Variants in THSD7B observed in about 807,000 individuals in gnomAD.
THSD7B encodes the protein thrombospondin type-1 domain-containing protein 7B.
THSD7B carries 138 observed loss-of-function variants against 213.6 expected under a neutral mutation model. The ratio of observed to expected loss-of-function variants is 0.65; its 90% CI spans 0.56 to 0.74. The LOEUF (loss-of-function observed/expected upper bound fraction) is 0.74, where lower values mean the gene tolerates loss of function less well. Among genes scored for constraint, THSD7B ranks in the 30% least tolerant of loss-of-function variants. The pLI, the probability that THSD7B is intolerant of heterozygous loss-of-function variation, is 0.00. For synonymous variants in THSD7B, 742 were observed against 687.0 expected (o/e 1.08, Z -1.25); for missense variants, 1,931 against 1,991.5 (o/e 0.97, Z 0.58).
chr2:136,781,787 A>G lies in THSD7B; in HGVS notation c.-36+16100A>G, dbSNP rs1470279818. Among the ~76,000 whole-genome samples, 2 of 152,012 alleles carry G rather than the reference A, an allele frequency of 1.3e-5. 1 individual carries two copies. The highest frequency in any genetic ancestry group is 6.8e-3 in the Middle Eastern group (2 of 294). ...GGCGTTCCTCTGATTCCTTCTGTCTATGCCCTGCCTCCTGTCTCCGTGGCC... is the reference window on the plus strand; with the variant it reads ...GGCGTTCCTCTGATTCCTTCTGTCTGTGCCCTGCCTCCTGTCTCCGTGGCC... On this transcript the variant is annotated intron_variant, in intron 1 of 27. Coordinates refer to ENST00000409968, the MANE Select transcript of THSD7B (RefSeq NM_001316349.2).
At chr2:137,170,697 A>T (rs769695662) in intron 6 of THSD7B, 44 bp from the exon 7 acceptor site, 6 of 1,583,590 alleles carry the variant, frequency 3.8e-6, no homozygotes, top group Non-Finnish European at 5.2e-6. Context: ...CCTTTCCTGG[A>T]AAAGAGTGGA....
chr2:137,536,511 A>G (rs1403913513), intron 15 of THSD7B, among the ~76,000 whole-genome samples: 2 of 151,806 alleles, frequency 1.3e-5, no homozygotes, highest in Non-Finnish European at 2.9e-5. Context: ...AGAAATAGCC[A>G]GAAGCAGTTT....
intron 7 of THSD7B, among the ~76,000 whole-genome samples, chr2:137,218,981 T>TG (rs894423999): frequency 8.6e-5 from 8 of 92,822 alleles, no homozygotes; most frequent in Non-Finnish European, 1.8e-4. Context: ...ACTGAGTTTG[T>TG]GAAAAAAAAA....
At chr2:137,234,492 C>T (rs1681720463) in intron 9 of THSD7B, among the ~76,000 whole-genome samples, 1 of 152,028 alleles carries the variant, frequency 6.6e-6, no homozygotes, top group African/African-American at 2.4e-5. Context: ...TGTGTTAGAG[C>T]ATTTGATGAG....
chr2:137,189,817 A>G (rs1346428861), intron 7 of THSD7B, among the ~76,000 whole-genome samples: 1 of 152,068 alleles, frequency 6.6e-6, no homozygotes. Flanking sequence ...TTCTTACTGC[A>G]TGGCTTCACA....
intron 17 of THSD7B, among the ~76,000 whole-genome samples, chr2:137,577,105 AATG>A (rs1359881820): frequency 6.6e-6 from 1 of 152,058 alleles, no homozygotes; most frequent in African/African-American, 2.4e-5. Context: ...AGAGGATGAG[AATG>A]ATGATAACTT....
At chr2:136,971,117 A>T (rs986296627) in intron 2 of THSD7B, among the ~76,000 whole-genome samples, 9 of 152,188 alleles carry the variant, frequency 5.9e-5, no homozygotes, top group African/African-American at 1.9e-4. Flanking sequence ...CTCAAATAGG[A>T]ATAAGACAAA....
intron 12 of THSD7B, among the ~76,000 whole-genome samples, chr2:137,402,815 CA>C (rs34623127): frequency 0.36 from 30,021 of 83,024 alleles, 2,399 homozygotes; most frequent in African/African-American, 0.42. Flanking sequence ...AACTCCATCT[CA>C]AAAAAAAAAA....
chr2:137,132,744 C>T lies in THSD7B; in HGVS notation c.1369+17451C>T, dbSNP rs117117827. Among the ~76,000 whole-genome samples the T allele has an allele frequency of 1.4e-4, 21 of 152,242 alleles. No individual in the cohort carries two copies. In the East Asian group the frequency reaches 3.5e-3, roughly 25 times the overall value. Reference sequence around the variant, plus strand: ...TTTCCTCTTGAAGAGTTCTAGAGTGCGGTTTCAGGTTGCATGCTAGTGATA... The same window carrying T: ...TTTCCTCTTGAAGAGTTCTAGAGTGTGGTTTCAGGTTGCATGCTAGTGATA... On this transcript the variant is annotated intron_variant, in intron 5 of 27. Coordinates refer to ENST00000409968, the MANE Select transcript of THSD7B (RefSeq NM_001316349.2).
chr2:137,147,210 T>A (rs1416609970), intron 5 of THSD7B, among the ~76,000 whole-genome samples: 1 of 152,152 alleles, frequency 6.6e-6, no homozygotes, highest in Non-Finnish European at 1.5e-5. Context: ...AATACATGAA[T>A]GCACATGGGA....
intron 9 of THSD7B, among the ~76,000 whole-genome samples, chr2:137,239,460 C>T (rs192153111): frequency 3.3e-5 from 5 of 152,324 alleles, no homozygotes; most frequent in African/African-American, 1.2e-4. Context: ...CCACTTTACT[C>T]CTTCCTCATC....
At chr2:136,844,381 A>C (rs1160687023) in intron 1 of THSD7B, among the ~76,000 whole-genome samples, 4 of 151,858 alleles carry the variant, frequency 2.6e-5, no homozygotes, top group African/African-American at 9.7e-5. Flanking sequence ...GCTGTCCTGC[A>C]TATTGGATGC....
chr2:137,208,431 GA>G (rs1681032287), intron 7 of THSD7B, among the ~76,000 whole-genome samples: 1 of 97,376 alleles, frequency 1.0e-5, no homozygotes, highest in African/African-American at 4.6e-5. Flanking sequence ...GTCCTGTTAA[GA>G]ATTCCTTTTT....
At chr2:137,424,170 C>T (rs1486991909) in intron 14 of THSD7B, among the ~76,000 whole-genome samples, 3 of 151,968 alleles carry the variant, frequency 2.0e-5, no homozygotes, top group African/African-American at 7.3e-5. Context: ...CAAAATGAAT[C>T]ATAGACCTAA....
At chr2:137,526,897 C>T (rs1240087088) in intron 15 of THSD7B, among the ~76,000 whole-genome samples, 1 of 152,008 alleles carries the variant, frequency 6.6e-6, no homozygotes, top group Non-Finnish European at 1.5e-5. Context: ...AACACATGTA[C>T]TCAAGAGAAC....
At chr2:137,126,571 T>A (rs193077408) in intron 5 of THSD7B, among the ~76,000 whole-genome samples, 5 of 152,120 alleles carry the variant, frequency 3.3e-5, no homozygotes, top group Admixed American at 1.3e-4. Context: ...TTTGGTCTTC[T>A]ATCCAGAGAA....
rs544871063 is a variant in THSD7B at position 137,029,765 on chromosome 2, G to A, written c.140-26655G>A. Among the ~76,000 whole-genome samples the A allele has an allele frequency of 7.2e-5, 11 of 152,248 alleles. No individual in the cohort carries two copies. The South Asian group carries it at 2.3e-3, about 32-fold the overall frequency. ...TCATTGTTTATCTACAAGAGAGGAG[G>A]TATATCATTATGCCGTGATTTCCTA... is the stretch of plus-strand genomic sequence containing the variant. On this transcript the variant is annotated intron_variant, in intron 2 of 27. Transcript: ENST00000409968.
At chr2:137,192,481 G>A (rs1404745311) in intron 7 of THSD7B, among the ~76,000 whole-genome samples, 1 of 151,988 alleles carries the variant, frequency 6.6e-6, no homozygotes, top group Admixed American at 6.6e-5. Flanking sequence ...TGAAAGCATT[G>A]GTATACTTGT....
At chr2:137,315,146 A>C (rs1458425510) in intron 12 of THSD7B, among the ~76,000 whole-genome samples, 1 of 152,170 alleles carries the variant, frequency 6.6e-6, no homozygotes, top group Non-Finnish European at 1.5e-5. Flanking sequence ...CTGCTGTGCT[A>C]GCAATCAGCG....
Sources: gnomAD v4.1 joint callset for allele counts (sites outside exome capture counted in the v4.1 genomes callset) on GRCh38, gnomAD v4.1.1 for gene constraint, MANE v1.5 for transcripts, NCBI Gene and HGNC (gene_info 2026-07-23, HGNC 2026-07-21) for gene names.